MUSK: variants seen among roughly 807,000 people sequenced by gnomAD.
The protein encoded by MUSK is muscle, skeletal receptor tyrosine-protein kinase.
MUSK carries 55 observed loss-of-function variants against 88.7 expected under a neutral mutation model. The observed-to-expected ratio is 0.62, with a 90% CI of 0.50 to 0.78. The LOEUF (loss-of-function observed/expected upper bound fraction) is 0.78. MUSK is among the 30% of genes least tolerant of loss of function. The probability of loss-of-function intolerance (pLI) is 0.00; values close to 1 mark genes in which losing one functional copy is unlikely to be tolerated. For missense variants in MUSK, 1,015 were observed against 1,074.3 expected, an observed-to-expected ratio of 0.94 and a Z score of 0.77; for synonymous variants, 387 against 391.9, an observed-to-expected ratio of 0.99 and a Z score of 0.15.
chr9:110,783,599 G>C (rs1327746457), intron 11 of MUSK, among the ~76,000 whole-genome samples: 2 of 151,634 alleles, frequency 1.3e-5, no homozygotes, highest in Admixed American at 6.6e-5. Flanking sequence ...CCATTGATTA[G>C]ACTACTATAT....
At chr9:110,679,895 G>A (rs1475166741) in intron 1 of MUSK, among the ~76,000 whole-genome samples, 1 of 151,744 alleles carries the variant, frequency 6.6e-6, no homozygotes, top group Non-Finnish European at 1.5e-5. Flanking sequence ...TCTTATAGTT[G>A]TTTGTCTAGA....
chr9:110,674,273 A>C (rs969175640), intron 1 of MUSK, among the ~76,000 whole-genome samples: 1 of 152,196 alleles, frequency 6.6e-6, no homozygotes, highest in Non-Finnish European at 1.5e-5. Flanking sequence ...TAACCTCAAG[A>C]ACTTATATAA....
chr9:110,768,453 A>C (rs1317387108), intron 9 of MUSK, among the ~76,000 whole-genome samples: 1 of 152,158 alleles, frequency 6.6e-6, no homozygotes, highest in Non-Finnish European at 1.5e-5. Flanking sequence ...CCGAGATTGC[A>C]CCACTGCACT....
chr9:110,708,168 A>G (rs531203668), intron 5 of MUSK, among the ~76,000 whole-genome samples: 26 of 152,266 alleles, frequency 1.7e-4, no homozygotes, highest in Non-Finnish European at 3.4e-4. Context: ...GTCAATAGAC[A>G]TAACTATAAA....
chr9:110,800,736 G>C lies in MUSK; in HGVS notation c.2358G>C (p.Trp786Cys). The C allele has an allele frequency of 6.2e-7, 1 of 1,613,980 alleles. No individual in the cohort carries two copies. Residue 786 changes from tryptophan to cysteine, a missense_variant, in exon 15 of 15, where the codon TGG (tryptophan) becomes TGC (cysteine). Trp to Cys is a radical substitution (Grantham distance 215, BLOSUM62 -2). Coordinates refer to ENST00000374448, the MANE Select transcript of MUSK (RefSeq NM_005592.4). ...GCTACACTACAGAGTCTGATGTGTGGGCCTATGGCGTGGTCCTCTGGGAGA... is the reference window on the plus strand; with the variant it reads ...GCTACACTACAGAGTCTGATGTGTGCGCCTATGGCGTGGTCCTCTGGGAGA... The part of the protein sequence containing the change: ...YNRYTTESDV[W>C]AYGVVLWEIF...
intron 5 of MUSK, among the ~76,000 whole-genome samples, chr9:110,715,423 C>G (rs576235196): frequency 6.7e-6 from 1 of 149,166 alleles, no homozygotes; most frequent in East Asian, 2.0e-4. Flanking sequence ...GGATCCAATT[C>G]TACCACCTGG....
chr9:110,720,091 A>G (rs955008804), intron 5 of MUSK, among the ~76,000 whole-genome samples: 5 of 152,062 alleles, frequency 3.3e-5, no homozygotes, highest in African/African-American at 1.2e-4. Flanking sequence ...CCTCTGGGAT[A>G]CAGCAAAAAC....
At chr9:110,704,394 T>A (rs1319519589) in intron 5 of MUSK, among the ~76,000 whole-genome samples, 1 of 152,218 alleles carries the variant, frequency 6.6e-6, no homozygotes, top group East Asian at 1.9e-4. Context: ...CTTCCTCTTC[T>A]CTAAAATAGA....
At chr9:110,725,229 A>T (rs2076868605) in intron 5 of MUSK, among the ~76,000 whole-genome samples, 1 of 152,034 alleles carries the variant, frequency 6.6e-6, no homozygotes, top group South Asian at 2.1e-4. Context: ...CATAAGAATG[A>T]CACATTAGAC....
chr9:110,704,401 T>C (rs1217673834), intron 5 of MUSK, among the ~76,000 whole-genome samples: 1 of 152,182 alleles, frequency 6.6e-6, no homozygotes, highest in Admixed American at 6.5e-5. Flanking sequence ...TTCTCTAAAA[T>C]AGAGATAAAA....
chr9:110,737,202 A>C (rs1371898222), intron 6 of MUSK, among the ~76,000 whole-genome samples: 3 of 152,004 alleles, frequency 2.0e-5, no homozygotes, highest in Non-Finnish European at 4.4e-5. Context: ...TGAGACAGAA[A>C]CCTACCATGG....
In MUSK at chr9:110,785,457, ATCTAAG is replaced by A. The variant is rs962423143; in HGVS notation, c.1587-62_1587-57del. On this transcript the variant is annotated intron_variant, in intron 12 of 14. Transcript: ENST00000374448. Reference sequence around the variant, plus strand: ...ACTCTTAAATGCCATATTTCTTAGAATCTAAGTCTAAGTACAAAGATCTAACCTGCT... The same window carrying A: ...ACTCTTAAATGCCATATTTCTTAGAATCTAAGTACAAAGATCTAACCTGCT... The A allele has an allele frequency of 5.5e-6, 7 of 1,271,170 alleles. No homozygotes were observed. In the Admixed American group the frequency reaches 1.7e-4, roughly 31 times the overall value. 78.7% of individuals were successfully genotyped at this position (1,271,170 alleles called of 1,614,324 possible). A position where few individuals can be genotyped will look rare whatever the true frequency, so the allele number is the denominator to read the frequency against.
At chr9:110,740,220 G>A (rs1587977301) in intron 6 of MUSK, among the ~76,000 whole-genome samples, 5 of 151,994 alleles carry the variant, frequency 3.3e-5, no homozygotes, top group South Asian at 4.2e-4. Flanking sequence ...AGTATTTAGG[G>A]CTGCCATAAT....
intron 5 of MUSK, among the ~76,000 whole-genome samples, chr9:110,713,828 A>G (rs1232120235): frequency 1.3e-5 from 2 of 152,162 alleles, no homozygotes; most frequent in African/African-American, 4.8e-5. Context: ...CGTTTAACGC[A>G]TGTCAGAGTG....
At chr9:110,697,890 T>C (rs1177720729) in intron 5 of MUSK, among the ~76,000 whole-genome samples, 1 of 149,874 alleles carries the variant, frequency 6.7e-6, no homozygotes, top group Non-Finnish European at 1.5e-5. Context: ...TTTCAGATAG[T>C]GTTCTATCAC....
chr9:110,686,055 C>T (rs2076192270), intron 2 of MUSK, among the ~76,000 whole-genome samples: 1 of 152,138 alleles, frequency 6.6e-6, no homozygotes, highest in South Asian at 2.1e-4. Flanking sequence ...CTGGAGTTCA[C>T]ACGTATGAAA....
chr9:110,689,873 A>ACTATATATTTAAAT (rs1206387662), intron 3 of MUSK, among the ~76,000 whole-genome samples: 1 of 77,420 alleles, frequency 1.3e-5, no homozygotes, highest in African/African-American at 5.3e-5. Flanking sequence ...TTTAAATATA[A>ACTATATATTTAAAT]ATATATATTT....
rs148885361 is a variant in MUSK at position 110,804,912 on chromosome 9, T to G, written c.*3924T>G. Among the ~76,000 whole-genome samples, 412 of 151,960 alleles carry G rather than the reference T, an allele frequency of 2.7e-3. 2 individuals carry two copies. The highest frequency in any genetic ancestry group is 7.7e-3 in the African/African-American group (319 of 41,544). On this transcript the variant is annotated 3_prime_UTR_variant, in exon 15 of 15. Coordinates refer to ENST00000374448, the MANE Select transcript of MUSK (RefSeq NM_005592.4). ...TAGATAGATGATACATAGAGAGAGA[T>G]AGATAGATAATTTAAACAAAAATAA...
At chr9:110,732,724 G>C (rs182387359) in intron 5 of MUSK, among the ~76,000 whole-genome samples, 19 of 152,132 alleles carry the variant, frequency 1.2e-4, no homozygotes, top group Admixed American at 1.0e-3. Flanking sequence ...TTAAACATTT[G>C]ATAGCATTCT....
Sources: allele counts gnomAD v4.1 joint callset (sites outside exome capture counted in the v4.1 genomes callset), GRCh38; gene constraint gnomAD v4.1.1; transcripts MANE v1.5; gene names NCBI Gene and HGNC (gene_info 2026-07-23, HGNC 2026-07-21).